DOK6: variants seen among roughly 807,000 people sequenced by gnomAD.
DOK6 encodes docking protein 6.
DOK6 carries 22 observed loss-of-function variants against 44.0 expected under a neutral mutation model. The ratio of observed to expected loss-of-function variants is 0.50; its 90% CI spans 0.36 to 0.71. The LOEUF (loss-of-function observed/expected upper bound fraction) is 0.71, where lower values mean the gene tolerates loss of function less well. Among genes scored for constraint, DOK6 ranks in the 30% least tolerant of loss-of-function variants. The pLI is 0.00. For synonymous variants in DOK6, 166 were observed against 145.5 expected (o/e 1.14, Z -1.01); for missense variants, 340 against 416.4 (o/e 0.82, Z 1.60).
At position 69,732,298 on chromosome 18, in the gene DOK6, C is replaced by T. The variant is rs986609101; in HGVS notation, c.600-6667C>T. Among the ~76,000 whole-genome samples the T allele has an allele frequency of 1.2e-4, 19 of 152,042 alleles. No individual in the cohort carries two copies. The East Asian group carries it at 1.7e-3, about 14-fold the overall frequency. ...GCCTCCAGGAGCTATGTATATAGGG[C>T]GAATATAAAATCATCTGTCAATCTT... On this transcript the variant is annotated intron_variant, in intron 5 of 7. Transcript: ENST00000382713.
chr18:69,814,103 G>A (rs1294056138), intron 7 of DOK6, among the ~76,000 whole-genome samples: 3 of 151,896 alleles, frequency 2.0e-5, no homozygotes, highest in Non-Finnish European at 4.4e-5. Context: ...AGCAGAGTAG[G>A]GATGGGAGAG....
intron 7 of DOK6, among the ~76,000 whole-genome samples, chr18:69,773,358 T>C (rs191083435): frequency 3.9e-4 from 59 of 152,026 alleles, no homozygotes; most frequent in African/African-American, 1.4e-3. Context: ...AAAAAAAATA[T>C]GAAAGTAGGA....
At chr18:69,825,789 C>T (rs8098018) in intron 7 of DOK6, among the ~76,000 whole-genome samples, 2,627 of 151,654 alleles carry the variant, frequency 0.017, 69 homozygotes, top group African/African-American at 0.06. Context: ...AAAGAGATAA[C>T]AAATGTTTGG....
chr18:69,774,156 A>ATATATATATG (rs1473888911), intron 7 of DOK6, among the ~76,000 whole-genome samples: 7 of 116,682 alleles, frequency 6.0e-5, no homozygotes, highest in Non-Finnish European at 9.7e-5. Flanking sequence ...ATATATATAT[A>ATATATATATG]ATGTAATACT....
chr18:69,444,896 T>C (rs1012791256), intron 1 of DOK6, among the ~76,000 whole-genome samples: 42 of 152,184 alleles, frequency 2.8e-4, no homozygotes, highest in African/African-American at 1.0e-3. Context: ...GGAAATTACA[T>C]TGATTCTGTA....
chr18:69,780,978 G>A (rs1004969989), intron 7 of DOK6, among the ~76,000 whole-genome samples: 6 of 152,090 alleles, frequency 3.9e-5, no homozygotes, highest in African/African-American at 7.2e-5. Context: ...GATCTCCACC[G>A]ATTTCTCTGT....
At chr18:69,541,440 T>G (rs1982266550) in intron 1 of DOK6, among the ~76,000 whole-genome samples, 1 of 151,574 alleles carries the variant, frequency 6.6e-6, no homozygotes, top group African/African-American at 2.4e-5. Context: ...CATTATTATA[T>G]ATTTTAAAAA....
intron 1 of DOK6, among the ~76,000 whole-genome samples, chr18:69,509,346 G>T (rs1053234613): frequency 6.6e-5 from 10 of 152,080 alleles, no homozygotes; most frequent in Non-Finnish European, 1.5e-4. Flanking sequence ...TAATTTTAAA[G>T]CCAGGATATG....
intron 7 of DOK6, among the ~76,000 whole-genome samples, chr18:69,833,815 A>G (rs1326924634): frequency 6.6e-6 from 1 of 152,220 alleles, no homozygotes; most frequent in South Asian, 2.1e-4. Context: ...AAAGCTCAAC[A>G]TAACTAATCA....
intron 1 of DOK6, chr18:69,532,993 T>A (rs915196055): frequency 6.6e-6 from 1 of 152,226 alleles, no homozygotes; most frequent in African/African-American, 2.4e-5. Context: ...TTTCAATGTC[T>A]GTTCTTTTGG....
intron 1 of DOK6, among the ~76,000 whole-genome samples, chr18:69,463,091 G>A (rs1446200619): frequency 6.6e-6 from 1 of 152,152 alleles, no homozygotes; most frequent in Non-Finnish European, 1.5e-5. Flanking sequence ...CATGGTGCTG[G>A]AGGCTGGGAT....
At chr18:69,516,799 C>T (rs563177682) in intron 1 of DOK6, among the ~76,000 whole-genome samples, 53 of 151,514 alleles carry the variant, frequency 3.5e-4, no homozygotes, top group African/African-American at 9.4e-4. Context: ...CCTCAGCCTC[C>T]GGAGAAGCTG....
chr18:69,543,550 G>A (rs1007417916), intron 1 of DOK6, among the ~76,000 whole-genome samples: 2 of 151,406 alleles, frequency 1.3e-5, no homozygotes, highest in African/African-American at 4.8e-5. Context: ...TGTTTTCCTT[G>A]GTGGTGTAAG....
At chr18:69,629,133 T>C (rs1568316066) in intron 3 of DOK6, among the ~76,000 whole-genome samples, 1 of 152,336 alleles carries the variant, frequency 6.6e-6, no homozygotes, top group East Asian at 1.9e-4. Context: ...TCACGGTTGC[T>C]GCCAAATTAA....
intron 7 of DOK6, among the ~76,000 whole-genome samples, chr18:69,758,843 A>G (rs943531867): frequency 3.3e-5 from 5 of 152,174 alleles, no homozygotes; most frequent in Non-Finnish European, 5.9e-5. Flanking sequence ...CTCACTATTA[A>G]CAATGCTGTA....
intron 7 of DOK6, among the ~76,000 whole-genome samples, chr18:69,807,530 A>G (rs1263455800): frequency 2.6e-5 from 4 of 151,980 alleles, no homozygotes. Context: ...AGACACAACC[A>G]TATGCTGCTT....
intron 1 of DOK6, among the ~76,000 whole-genome samples, chr18:69,481,766 T>G (rs1599151698): frequency 1.3e-5 from 2 of 152,186 alleles, no homozygotes; most frequent in Admixed American, 1.3e-4. Context: ...TCAAATGGCA[T>G]TTCTAGCTCT....
At chr18:69,672,219 C>CTTTA (rs1456544716) in intron 3 of DOK6, among the ~76,000 whole-genome samples, 11 of 152,134 alleles carry the variant, frequency 7.2e-5, no homozygotes, top group Admixed American at 2.6e-4. Context: ...GAAAACTAAT[C>CTTTA]GTACCCCCAT....
At chr18:69,579,640 T>C (rs1049246299) in intron 2 of DOK6, among the ~76,000 whole-genome samples, 1 of 152,066 alleles carries the variant, frequency 6.6e-6, no homozygotes, top group African/African-American at 2.4e-5. Context: ...GTTGGCTCAC[T>C]GCAACCTCCA....
Sources: gnomAD v4.1 joint callset for allele counts (sites outside exome capture counted in the v4.1 genomes callset) on GRCh38, gnomAD v4.1.1 for gene constraint, MANE v1.5 for transcripts, NCBI Gene and HGNC (gene_info 2026-07-23, HGNC 2026-07-21) for gene names.